The following ACAP2 variants were observed in gnomAD, a reference collection of about 807,000 sequenced individuals.
The protein encoded by ACAP2 is ArfGAP with coiled-coil, ankyrin repeat and PH domains 2, also known as arf-GAP with coiled-coil, ANK repeat and PH domain-containing protein 2.
Under a neutral mutation model 115.8 loss-of-function variants are expected in ACAP2, and 39 were observed. That is an observed-to-expected ratio of 0.34 (90% CI 0.26 to 0.44). The LOEUF (loss-of-function observed/expected upper bound fraction) is 0.44, where lower values mean the gene tolerates loss of function less well. ACAP2 is among the 20% of genes least tolerant of loss of function. The probability of loss-of-function intolerance (pLI) is 1.00; values close to 1 mark genes in which losing one functional copy is unlikely to be tolerated. For missense variants in ACAP2, 662 were observed against 927.6 expected (o/e 0.71, Z 3.72); for synonymous variants, 289 against 315.8 (o/e 0.92, Z 0.90).
chr3:195,308,780 A>G lies in ACAP2; in HGVS notation c.909+6T>C, dbSNP rs1728575015. On this transcript the variant is annotated splice_donor_region_variant and intron_variant, in intron 11 of 22. Transcript: ENST00000326793. Reference sequence around the variant, plus strand: ...ACTCACTGGGGTTTCATTTATTAACACCTACCTTAAATTTTTTCTGGTAAA... The same window carrying G: ...ACTCACTGGGGTTTCATTTATTAACGCCTACCTTAAATTTTTTCTGGTAAA... The G allele has an allele frequency of 6.2e-7, 1 of 1,609,046 alleles. No individual in the cohort carries two copies. Among genetic ancestry groups the G allele is most frequent in the South Asian group, 1.1e-5 (1 of 89,640 alleles).
intron 20 of ACAP2, 21 bp downstream of exon 20, chr3:195,291,685 A>T: frequency 6.4e-7 from 1 of 1,567,458 alleles, no homozygotes. Flanking sequence ...GTCTCCTTAA[A>T]TATGAAAGCA....
intron 4 of ACAP2, among the ~76,000 whole-genome samples, chr3:195,374,354 C>A (rs1733374029): frequency 6.6e-6 from 1 of 152,204 alleles, no homozygotes; most frequent in Non-Finnish European, 1.5e-5. Context: ...CAGGCCACTG[C>A]ACTCCAGCCT....
chr3:195,358,261 A>G (rs547631867), intron 4 of ACAP2, among the ~76,000 whole-genome samples: 326 of 152,318 alleles, frequency 2.1e-3, no homozygotes, highest in Non-Finnish European at 3.9e-3. Context: ...CTCAAGAAGG[A>G]TGAGTACAAA....
At chr3:195,324,233 T>TAATTA (rs1248019237) in intron 9 of ACAP2, among the ~76,000 whole-genome samples, 1 of 151,976 alleles carries the variant, frequency 6.6e-6, no homozygotes, top group African/African-American at 2.4e-5. Flanking sequence ...AAGCCAAAAA[T>TAATTA]AATTAAGACA....
intron 4 of ACAP2, among the ~76,000 whole-genome samples, chr3:195,368,514 C>T (rs1732889318): frequency 6.6e-6 from 1 of 152,050 alleles, no homozygotes; most frequent in Admixed American, 6.6e-5. Context: ...TCCTGCATTC[C>T]CATTTGAATC....
chr3:195,389,291 G>A (rs1734501069), intron 2 of ACAP2, among the ~76,000 whole-genome samples: 1 of 151,994 alleles, frequency 6.6e-6, no homozygotes, highest in South Asian at 2.1e-4. Context: ...TACCCCAAGT[G>A]AATAATACAA....
chr3:195,428,362 A>T (rs961437545), intron 1 of ACAP2, among the ~76,000 whole-genome samples: 7 of 146,472 alleles, frequency 4.8e-5, no homozygotes, highest in African/African-American at 1.8e-4. Flanking sequence ...ACACACACAC[A>T]CTCATATATA....
intron 4 of ACAP2, among the ~76,000 whole-genome samples, chr3:195,379,564 G>A (rs1036809739): frequency 7.2e-5 from 11 of 152,140 alleles, no homozygotes; most frequent in Admixed American, 3.3e-4. Context: ...AGGCTGAGGC[G>A]GGAGGACGGC....
intron 22 of ACAP2, among the ~76,000 whole-genome samples, chr3:195,281,768 A>T (rs903377479): frequency 2.0e-5 from 3 of 152,240 alleles, no homozygotes; most frequent in Non-Finnish European, 4.4e-5. Flanking sequence ...TAAAAGATAG[A>T]AAATAAATAG....
chr3:195,384,065 C>T (rs1012233763), intron 2 of ACAP2, among the ~76,000 whole-genome samples: 60 of 152,088 alleles, frequency 3.9e-4, no homozygotes, highest in Admixed American at 2.0e-4. Context: ...GGCAGTTTAG[C>T]GAGAGCTATC....
intron 4 of ACAP2, among the ~76,000 whole-genome samples, chr3:195,347,583 CT>C (rs552102104): frequency 6.2e-4 from 95 of 152,284 alleles, no homozygotes; most frequent in African/African-American, 2.2e-3. Flanking sequence ...TATGGGAGAA[CT>C]TTCTGGATAA....
intron 16 of ACAP2, among the ~76,000 whole-genome samples, chr3:195,296,244 G>A (rs1727650812): frequency 1.3e-5 from 2 of 151,426 alleles, no homozygotes; most frequent in African/African-American, 4.8e-5. Context: ...AAAATTTATA[G>A]AAAGTAACTT....
At chr3:195,389,533 T>G (rs1237799526) in intron 2 of ACAP2, among the ~76,000 whole-genome samples, 6 of 152,200 alleles carry the variant, frequency 3.9e-5, no homozygotes, top group Non-Finnish European at 5.9e-5. Context: ...TATACCACTC[T>G]GTGATTCTAG....
intron 4 of ACAP2, among the ~76,000 whole-genome samples, chr3:195,377,136 A>ATTTTTTTTTTTTTTTTT (rs1478091442): frequency 1.1e-5 from 1 of 89,718 alleles, no homozygotes; most frequent in African/African-American, 4.6e-5. Flanking sequence ...AGGAATGTAA[A>ATTTTTTTTTTTTTTTTT]TCTTTTTTTT....
Position 195,337,446 on chromosome 3 carries a change from CTT to C in ACAP2, c.529-472_529-471del, listed in dbSNP as rs11411412. On this transcript the variant is annotated intron_variant, in intron 6 of 22. Coordinates refer to ENST00000326793, the MANE Select transcript of ACAP2 (RefSeq NM_012287.6). ...CATTATACACACGGCAACCAGTCAT[CTT>C]TTTTTTTTTTTTTTTTTGACACAGA... 1.5e-3 allele frequency among the ~76,000 whole-genome samples: 197 copies of C among 131,488 alleles called. 1 individual carries two copies. Among genetic ancestry groups the C allele is most frequent in the Admixed American group, 4.4e-3 (58 of 13,082 alleles). 86.3% of individuals were successfully genotyped at this position (131,488 alleles called of 152,430 possible).
chr3:195,304,174 A>C (rs1728262535), intron 13 of ACAP2, among the ~76,000 whole-genome samples: 1 of 144,148 alleles, frequency 6.9e-6, no homozygotes, highest in East Asian at 2.4e-4. Context: ...AAAAAAAAAA[A>C]AAAAAAAAAA....
rs190517265 is a variant in ACAP2, at chr3:195,350,224, C to T, written c.286-4907G>A. Among the ~76,000 whole-genome samples, 461 of 152,132 alleles carry T rather than the reference C, an allele frequency of 3.0e-3. 1 individual carries two copies. The highest frequency in any genetic ancestry group is 8.4e-3 in the Admixed American group (128 of 15,282). On this transcript the variant is annotated intron_variant, in intron 4 of 22. Transcript: ENST00000326793. ...CTCAGTAGAAACTGAAAAGTTGATT[C>T]TAAAAGTTATATGAAAACATAAAGG...
At chr3:195,433,848 A>G (rs969144676) in intron 1 of ACAP2, among the ~76,000 whole-genome samples, 3 of 152,214 alleles carry the variant, frequency 2.0e-5, no homozygotes, top group Non-Finnish European at 2.9e-5. Flanking sequence ...TCAGTTTGCT[A>G]GTACTTTCGT....
At chr3:195,329,117 CT>C (rs1181565873) in intron 8 of ACAP2, among the ~76,000 whole-genome samples, 5 of 151,638 alleles carry the variant, frequency 3.3e-5, no homozygotes, top group African/African-American at 1.2e-4. Context: ...AAAGAAATGT[CT>C]CTTGCATCTC....
Sources: allele counts gnomAD v4.1 joint callset (sites outside exome capture counted in the v4.1 genomes callset), GRCh38; gene constraint gnomAD v4.1.1; transcripts MANE v1.5; gene names NCBI Gene and HGNC (gene_info 2026-07-23, HGNC 2026-07-21).